Variants in AFF3 observed in about 807,000 individuals in gnomAD.
The protein encoded by AFF3 is AF4/FMR2 family member 3.
Under a neutral mutation model 129.7 loss-of-function variants are expected in AFF3, and 32 were observed. The ratio of observed to expected loss-of-function variants is 0.25; its 90% CI spans 0.19 to 0.33. The LOEUF is 0.33. AFF3 is among the 10% of genes least tolerant of loss of function. The pLI is 1.00. For missense variants in AFF3, 1,373 were observed against 1,592.0 expected, an observed-to-expected ratio of 0.86 and a Z score of 2.34; for synonymous variants, 644 against 635.4, an observed-to-expected ratio of 1.01 and a Z score of -0.20.
chr2:99,722,113 A>C (rs1678943696), intron 11 of AFF3, among the ~76,000 whole-genome samples: 1 of 152,110 alleles, frequency 6.6e-6, no homozygotes, highest in Non-Finnish European at 1.5e-5. Context: ...ATTGGTTTCC[A>C]TTATCCTGCT....
intron 11 of AFF3, among the ~76,000 whole-genome samples, chr2:99,709,072 G>C (rs1303986920): frequency 6.6e-6 from 1 of 152,222 alleles, no homozygotes; most frequent in African/African-American, 2.4e-5. Flanking sequence ...ATCACACAGA[G>C]GTGTGAGAAA....
chr2:99,568,092 G>A (rs1483663157), intron 19 of AFF3, among the ~76,000 whole-genome samples: 1 of 152,170 alleles, frequency 6.6e-6, no homozygotes, highest in Non-Finnish European at 1.5e-5. Context: ...GAGGGGTACT[G>A]TTACTGTTTA....
At position 99,608,509 on chromosome 2, in the gene AFF3, G is replaced by A. The variant is rs114289842; in HGVS notation, c.1185-6888C>T. ...CTTTAGAATGCTATCATTTACATACGTATCAGGTTGAAAATTGAGAACCCA... is the reference window on the plus strand; with the variant it reads ...CTTTAGAATGCTATCATTTACATACATATCAGGTTGAAAATTGAGAACCCA... On this transcript the variant is annotated intron_variant, in intron 13 of 24. Coordinates refer to ENST00000672756, the MANE Select transcript of AFF3 (RefSeq NM_001386135.1). Among the ~76,000 whole-genome samples, 942 of 152,272 alleles carry A rather than the reference G, an allele frequency of 6.2e-3. 7 individuals are homozygous for A. The highest frequency in any genetic ancestry group is 0.021 in the African/African-American group (875 of 41,550).
intron 10 of AFF3, among the ~76,000 whole-genome samples, chr2:99,736,862 G>A (rs1172009666): frequency 2.0e-5 from 3 of 151,536 alleles, no homozygotes; most frequent in Admixed American, 6.6e-5. Flanking sequence ...TGCCCACCTC[G>A]GTCTCCCAAA....
chr2:99,676,321 A>G (rs969604019), intron 11 of AFF3, among the ~76,000 whole-genome samples: 9 of 152,082 alleles, frequency 5.9e-5, no homozygotes, highest in Non-Finnish European at 1.3e-4. Context: ...TACTTTCTAG[A>G]TGTTACTTTG....
intron 17 of AFF3, among the ~76,000 whole-genome samples, chr2:99,578,755 T>C (rs775889324): frequency 6.6e-6 from 1 of 152,306 alleles, no homozygotes; most frequent in African/African-American, 2.4e-5. Context: ...ACTCAGTGAC[T>C]GTGGTGGAGG....
At chr2:100,000,981 C>T (rs993816403) in intron 7 of AFF3, among the ~76,000 whole-genome samples, 2 of 152,200 alleles carry the variant, frequency 1.3e-5, no homozygotes, top group African/African-American at 4.8e-5. Context: ...GGAATAAACA[C>T]GGGATCACAC....
chr2:99,799,695 T>C (rs1685792667), intron 8 of AFF3, among the ~76,000 whole-genome samples: 1 of 152,088 alleles, frequency 6.6e-6, no homozygotes, highest in Non-Finnish European at 1.5e-5. Context: ...AATCGAAAGA[T>C]TATACTATTT....
chr2:99,880,995 C>T (rs1692671119), intron 7 of AFF3, among the ~76,000 whole-genome samples: 1 of 152,164 alleles, frequency 6.6e-6, no homozygotes, highest in Non-Finnish European at 1.5e-5. Flanking sequence ...GCAGAGGCTA[C>T]CCGCTATTCC....
intron 7 of AFF3, among the ~76,000 whole-genome samples, chr2:99,973,508 G>A (rs1047447268): frequency 6.6e-6 from 1 of 152,098 alleles, no homozygotes; most frequent in Non-Finnish European, 1.5e-5. Context: ...GATGGTTATG[G>A]TTTATTCCGT....
At chr2:100,130,680 TAGG>T (rs1269400505) in intron 1 of AFF3, among the ~76,000 whole-genome samples, 2 of 152,104 alleles carry the variant, frequency 1.3e-5, no homozygotes, top group East Asian at 1.9e-4. Flanking sequence ...GTAGTTCTTT[TAGG>T]AGGTTTGTGA....
intron 7 of AFF3, among the ~76,000 whole-genome samples, chr2:99,899,504 G>A (rs1225162061): frequency 6.6e-6 from 1 of 152,148 alleles, no homozygotes; most frequent in South Asian, 2.1e-4. Context: ...GGGGTCAATC[G>A]ATCCATTTAT....
chr2:99,888,213 G>A (rs1558947922), intron 7 of AFF3, among the ~76,000 whole-genome samples: 1 of 152,188 alleles, frequency 6.6e-6, no homozygotes, highest in African/African-American at 2.4e-5. Context: ...AAACTTCACT[G>A]TAATATGAGA....
At chr2:100,008,625 C>T (rs1483501487) in intron 5 of AFF3, among the ~76,000 whole-genome samples, 187 bp downstream of exon 5, 1 of 152,198 alleles carries the variant, frequency 6.6e-6, no homozygotes, top group African/African-American at 2.4e-5. Flanking sequence ...CCAGTAAAGC[C>T]ATGTGAACCA....
intron 11 of AFF3, among the ~76,000 whole-genome samples, chr2:99,716,665 T>TG (rs1678420402): frequency 6.6e-6 from 1 of 151,848 alleles, no homozygotes; most frequent in East Asian, 1.9e-4. Flanking sequence ...GGCGGATCAC[T>TG]AGATCAGGAG....
intron 7 of AFF3, among the ~76,000 whole-genome samples, chr2:99,845,674 C>T (rs1011140466): frequency 2.0e-5 from 3 of 152,172 alleles, no homozygotes; most frequent in East Asian, 1.9e-4. Flanking sequence ...AACCCTACGT[C>T]GTTAATTTTA....
chr2:99,588,013 A>T (rs1678303592), intron 15 of AFF3, among the ~76,000 whole-genome samples: 1 of 151,804 alleles, frequency 6.6e-6, no homozygotes, highest in Non-Finnish European at 1.5e-5. Context: ...CGTCTCAAAA[A>T]AAAAAAAAAA....
intron 7 of AFF3, among the ~76,000 whole-genome samples, chr2:99,861,694 T>C (rs1242893966): frequency 1.3e-5 from 2 of 152,218 alleles, no homozygotes; most frequent in Non-Finnish European, 2.9e-5. Context: ...TTAATGTATA[T>C]GTACCTTGTA....
rs200145856 is a variant in AFF3, at chr2:99,593,590, A to T, written c.2071T>A (p.Ser691Thr). The T allele has an allele frequency of 5.0e-6, 8 of 1,612,690 alleles. No homozygotes were observed. The highest frequency in any genetic ancestry group is 6.8e-6 in the Non-Finnish European group (8 of 1,179,760). Reference protein sequence around the residue: ...LESEQEEYPLSKAQTVAASAS... With the variant: ...LESEQEEYPLTKAQTVAASAS... The stretch of plus-strand genomic sequence containing the variant: ...GAGGCAGCCACGGTCTGTGCTTTGG[A>T]CAGAGGGTACTCCTCCTGCTCGGAC... The change falls in exon 15 of 25, where the codon TCC becomes ACC. Residue 691 changes from serine to threonine, a missense_variant. Transcript: ENST00000672756.
Sources: allele counts gnomAD v4.1 joint callset (sites outside exome capture counted in the v4.1 genomes callset), GRCh38; gene constraint gnomAD v4.1.1; transcripts MANE v1.5; gene names NCBI Gene and HGNC (gene_info 2026-07-23, HGNC 2026-07-21).